The following PLXNA4 variants were observed in gnomAD, a reference collection of about 807,000 sequenced individuals.
PLXNA4 encodes the protein plexin-A4.
In PLXNA4, 44 loss-of-function variants were observed where a neutral mutation model predicts 191.8. The observed-to-expected ratio is 0.23, with a 90% confidence interval of 0.18 to 0.29. PLXNA4 has a LOEUF of 0.29. Ranked by LOEUF, PLXNA4 falls within the 10% of genes least tolerant of loss-of-function variation. The pLI, the probability that PLXNA4 is intolerant of heterozygous loss-of-function variation, is 1.00. For missense variants in PLXNA4, 1,800 were observed against 2,488.8 expected (o/e 0.72, Z 5.89); for synonymous variants, 1,082 against 1,009.5 (o/e 1.07, Z -1.36).
Position 132,241,126 on chromosome 7 carries a change from C to A in PLXNA4, c.1544G>T (p.Ser515Ile). ...GCCTGAGCCAAGGCACTCGCCGCAG[C>A]TCTGATACTGACCACAGGACTCCAC... is the stretch of plus-strand genomic sequence containing the variant. ...VPVESCGQYQ[S>I]CGECLGSGDP... The change falls in exon 5 of 32, where the codon AGC becomes ATC. Residue 515 changes from serine to isoleucine, a missense_variant. Coordinates refer to ENST00000321063, the MANE Select transcript of PLXNA4 (RefSeq NM_020911.2). The A allele has an allele frequency of 6.2e-7, 1 of 1,613,330 alleles. No homozygotes were observed. Among genetic ancestry groups the A allele is most frequent in the Non-Finnish European group, 8.5e-7 (1 of 1,179,426 alleles).
intron 25 of PLXNA4, among the ~76,000 whole-genome samples, chr7:132,155,102 T>A (rs1439878180): frequency 6.6e-6 from 1 of 152,236 alleles, no homozygotes; most frequent in Non-Finnish European, 1.5e-5. Flanking sequence ...CTTGCTCGAC[T>A]TGAGCCACAA....
chr7:132,361,122 C>T (rs530427715), intron 3 of PLXNA4, among the ~76,000 whole-genome samples: 1 of 152,290 alleles, frequency 6.6e-6, no homozygotes, highest in Non-Finnish European at 1.5e-5. Context: ...GGGTGGGTTG[C>T]TGCTCTGCTC....
intron 31 of PLXNA4, 28 bp downstream of exon 31, chr7:132,133,021 A>G: frequency 6.2e-7 from 1 of 1,605,290 alleles, no homozygotes; most frequent in Non-Finnish European, 8.5e-7. Flanking sequence ...CTTCCATCCC[A>G]ATGGGCCTGG....
In PLXNA4 at chr7:132,504,734, AG is replaced by A. The variant is rs146787891; in HGVS notation, c.1188+2771del. ...ATCTGGGACTGAGTTCTCAATTCAC[AG>A]GGCTCAAGGGAGTGTCAGACTCCGT... is the stretch of plus-strand genomic sequence containing the variant. On this transcript the variant is annotated intron_variant, in intron 2 of 31. Transcript: ENST00000321063. Among the ~76,000 whole-genome samples the A allele has an allele frequency of 2.8e-3, 432 of 152,336 alleles. 3 individuals are homozygous for A. The highest frequency in any genetic ancestry group is 1.0e-2 in the African/African-American group (415 of 41,584).
Position 132,506,117 on chromosome 7 carries a change from TG to T in PLXNA4, c.1188+1388del, listed in dbSNP as rs532666889. On this transcript the variant is annotated intron_variant, in intron 2 of 31. Coordinates refer to ENST00000321063, the MANE Select transcript of PLXNA4 (RefSeq NM_020911.2). ...AGAGACGACATCTCTTAGTTTCAGC[TG>T]GCCCAGTGCCTGGAAGACTTGACAG... Among the ~76,000 whole-genome samples the T allele has an allele frequency of 3.9e-5, 6 of 152,232 alleles. No individual in the cohort carries two copies. In the East Asian group the frequency reaches 9.7e-4, roughly 25 times the overall value.
chr7:132,280,073 A>G (rs915618793), intron 4 of PLXNA4, among the ~76,000 whole-genome samples: 7 of 152,298 alleles, frequency 4.6e-5, no homozygotes, highest in Middle Eastern at 3.4e-3. Flanking sequence ...ACTTTATTCT[A>G]TTCCATTAAA....
At chr7:132,399,489 A>G (rs1430082309) in intron 3 of PLXNA4, among the ~76,000 whole-genome samples, 1 of 152,202 alleles carries the variant, frequency 6.6e-6, no homozygotes, top group African/African-American at 2.4e-5. Context: ...CAGGTGAAAC[A>G]AAAAAAGGAA....
In PLXNA4 at chr7:132,642,557, C is replaced by T. The variant is rs374096875; in HGVS notation, c.-87+3371G>A. Among the ~76,000 whole-genome samples, 16 of 151,936 alleles carry T rather than the reference C, an allele frequency of 1.1e-4. No individual in the cohort carries two copies. In the East Asian group the frequency reaches 3.1e-3, roughly 30 times the overall value. ...CTGGAGAGAGAAACTAGGGAGGAGGCAGACAGACTTGAAGTTGAGGGCGAG... is the reference window on the plus strand; with the variant it reads ...CTGGAGAGAGAAACTAGGGAGGAGGTAGACAGACTTGAAGTTGAGGGCGAG... On this transcript the variant is annotated intron_variant, in intron 2 of 4. Transcript: ENST00000378539.
intron 30 of PLXNA4, among the ~76,000 whole-genome samples, chr7:132,135,014 C>A (rs546237481): frequency 1.3e-5 from 2 of 152,246 alleles, no homozygotes; most frequent in South Asian, 2.1e-4. Context: ...TTCATTGTAA[C>A]CATTTCTGGA....
chr7:132,447,699 G>C (rs557330523), intron 3 of PLXNA4, among the ~76,000 whole-genome samples: 6 of 152,212 alleles, frequency 3.9e-5, no homozygotes, highest in Non-Finnish European at 8.8e-5. Context: ...CTAAGTTTAA[G>C]AACTCAAGCT....
chr7:132,540,477 A>G (rs540326286), intron 1 of PLXNA4, among the ~76,000 whole-genome samples: 3 of 149,536 alleles, frequency 2.0e-5, no homozygotes, highest in Non-Finnish European at 3.0e-5. Context: ...ATTTTCCAAC[A>G]CGGTGTTAGT....
intron 1 of PLXNA4, among the ~76,000 whole-genome samples, chr7:132,568,401 C>G (rs560817472): frequency 1.3e-5 from 2 of 152,110 alleles, no homozygotes; most frequent in South Asian, 4.2e-4. Flanking sequence ...ATAGTGTAGT[C>G]GACTAGTGTT....
In PLXNA4 at chr7:132,489,355, G is replaced by T; in HGVS notation, c.1308C>A (p.Ile436=). The change falls in exon 3 of 32, where the codon ATC becomes ATA. Residue 436 remains isoleucine (I), a synonymous_variant. Coordinates refer to ENST00000321063, the MANE Select transcript of PLXNA4 (RefSeq NM_020911.2). ...TEDRDRMTSV[I]AYVYKNHSLA... ...GAGAGTGGTTCTTGTAGACATATGCGATGACAGACGTCATGCGGTCCCTGT... is the reference window on the plus strand; with the variant it reads ...GAGAGTGGTTCTTGTAGACATATGCTATGACAGACGTCATGCGGTCCCTGT... The T allele has an allele frequency of 6.2e-7, 1 of 1,606,078 alleles. No individual in the cohort carries two copies. The highest frequency in any genetic ancestry group is 1.1e-5 in the South Asian group (1 of 90,848).
chr7:132,364,048 C>A (rs1437609193), intron 3 of PLXNA4, among the ~76,000 whole-genome samples: 3 of 152,186 alleles, frequency 2.0e-5, no homozygotes, highest in Admixed American at 6.5e-5. Flanking sequence ...GGGCCAGGAC[C>A]AGTGCTCTAG....
rs557751667 is a variant in PLXNA4, at chr7:132,125,225, C to A, written c.*5254G>T. 16 of 152,296 alleles carry A rather than the reference C, an allele frequency of 1.1e-4. No homozygotes were observed. The highest frequency in any genetic ancestry group is 3.9e-4 in the African/African-American group (16 of 41,550). The allele number at this position is 152,296 out of a possible 1,614,324, so 9.4% of individuals were successfully genotyped here. ...AGTGTTACCTGAGGCTGTGTCTCAG[C>A]TCCCCACTCTATAAAATAAGGCTCT... is the stretch of plus-strand genomic sequence containing the variant. On this transcript the variant is annotated 3_prime_UTR_variant, in exon 32 of 32. Transcript: ENST00000321063.
chr7:132,512,668 C>A (rs926380914), intron 1 of PLXNA4, among the ~76,000 whole-genome samples: 10 of 152,180 alleles, frequency 6.6e-5, no homozygotes. Flanking sequence ...AGAGGTGACA[C>A]CCCGCCGAGC....
chr7:132,564,775 G>C (rs1192770036), intron 1 of PLXNA4, among the ~76,000 whole-genome samples: 1 of 152,252 alleles, frequency 6.6e-6, no homozygotes, highest in African/African-American at 2.4e-5. Context: ...TGTAGGCATC[G>C]AGGAATCTTA....
At chr7:132,448,999 G>T (rs2021173) in intron 3 of PLXNA4, among the ~76,000 whole-genome samples, 105,181 of 149,372 alleles carry the variant, frequency 0.7, 42,238 homozygotes, top group Non-Finnish European at 0.89. Context: ...TAAAATTTTG[G>T]TTTATTAATT....
intron 5 of PLXNA4, among the ~76,000 whole-genome samples, chr7:132,231,753 C>T (rs1023049567): frequency 6.6e-6 from 1 of 152,180 alleles, no homozygotes; most frequent in African/African-American, 2.4e-5. Flanking sequence ...CCATGACTGG[C>T]CCTTGGGGCA....
Sources: gnomAD v4.1 joint callset for allele counts (sites outside exome capture counted in the v4.1 genomes callset) on GRCh38, gnomAD v4.1.1 for gene constraint, MANE v1.5 for transcripts, NCBI Gene and HGNC (gene_info 2026-07-23, HGNC 2026-07-21) for gene names.